MARCHF1: variants seen among roughly 807,000 people sequenced by gnomAD.
MARCHF1 encodes E3 ubiquitin-protein ligase MARCHF1.
Under a neutral mutation model 54.2 loss-of-function variants are expected in MARCHF1, and 40 were observed. The observed-to-expected ratio is 0.74, with a 90% CI of 0.57 to 0.96. MARCHF1 has a LOEUF of 0.96. Ranked by LOEUF, MARCHF1 falls within the 40% of genes least tolerant of loss-of-function variation. The pLI is 0.00. For missense variants in MARCHF1, 586 were observed against 656.5 expected, an observed-to-expected ratio of 0.89 and a Z score of 1.17; for synonymous variants, 236 against 236.3, an observed-to-expected ratio of 1.00 and a Z score of 0.01.
chr4:163,707,865 C>CCACT (rs1286973671), intron 4 of MARCHF1, among the ~76,000 whole-genome samples: 2 of 151,320 alleles, frequency 1.3e-5, no homozygotes, highest in African/African-American at 4.9e-5. Flanking sequence ...AGCTTTAAAC[C>CCACT]CACTCTTCTA....
intron 1 of MARCHF1, among the ~76,000 whole-genome samples, chr4:164,151,844 T>C (rs1368763267): frequency 6.6e-6 from 1 of 152,164 alleles, no homozygotes; most frequent in Non-Finnish European, 1.5e-5. Flanking sequence ...CACCTTAAGC[T>C]TCTACTTCAT....
intron 4 of MARCHF1, among the ~76,000 whole-genome samples, chr4:163,809,975 A>G (rs74683702): frequency 9.8e-4 from 149 of 152,186 alleles, no homozygotes; most frequent in African/African-American, 3.3e-3. Flanking sequence ...TTGGTACTGT[A>G]TCCTGTAAAT....
In MARCHF1 at chr4:164,249,569, A is replaced by G. The variant is rs147682982; in HGVS notation, c.-323+134301T>C. 9.5e-4 allele frequency among the ~76,000 whole-genome samples: 144 copies of G among 152,156 alleles called. 1 individual carries two copies. In the East Asian group the frequency reaches 0.026, roughly 27 times the overall value. ...TTGTAAATTGAATTTTATTTTGTAG[A>G]TATCAGGGAATCCCTTGAAAATTTA... On this transcript the variant is annotated intron_variant, in intron 1 of 9. Coordinates refer to ENST00000514618, the MANE Select transcript of MARCHF1 (RefSeq NM_001394959.1).
At chr4:163,775,926 T>C (rs748835948) in intron 4 of MARCHF1, among the ~76,000 whole-genome samples, 5 of 152,158 alleles carry the variant, frequency 3.3e-5, no homozygotes, top group Admixed American at 1.3e-4. Flanking sequence ...GAAGATGCAG[T>C]GACCCAGTGA....
intron 1 of MARCHF1, among the ~76,000 whole-genome samples, chr4:164,257,892 C>T (rs937973144): frequency 6.6e-6 from 1 of 152,084 alleles, no homozygotes; most frequent in African/African-American, 2.4e-5. Context: ...TTGCTTGAAC[C>T]CATTACTGGG....
Position 163,784,640 on chromosome 4 carries a change from T to C in MARCHF1, c.111+69381A>G, listed in dbSNP as rs536344696. Among the ~76,000 whole-genome samples the C allele has an allele frequency of 2.6e-4, 40 of 152,220 alleles. 2 individuals are homozygous for C. In the South Asian group the frequency reaches 8.1e-3, roughly 31 times the overall value. On this transcript the variant is annotated intron_variant, in intron 4 of 9. Coordinates refer to ENST00000514618, the MANE Select transcript of MARCHF1 (RefSeq NM_001394959.1). Reference sequence around the variant, plus strand: ...ACCTATGCCATTGACATATATAATATGATAATTCACTTATTGTTTGCCTCT... The same window carrying C: ...ACCTATGCCATTGACATATATAATACGATAATTCACTTATTGTTTGCCTCT...
chr4:163,649,415 T>C (rs113012834), intron 5 of MARCHF1, among the ~76,000 whole-genome samples: 6 of 152,066 alleles, frequency 3.9e-5, no homozygotes, highest in African/African-American at 9.7e-5. Context: ...AGAAAGGCTA[T>C]TGGGAAAAAT....
At chr4:163,845,260 T>C (rs570099404) in intron 4 of MARCHF1, among the ~76,000 whole-genome samples, 17 of 152,294 alleles carry the variant, frequency 1.1e-4, no homozygotes, top group African/African-American at 3.8e-4. Flanking sequence ...AATATAGTCC[T>C]ATTCTAACAG....
intron 3 of MARCHF1, among the ~76,000 whole-genome samples, chr4:163,946,001 T>TA (rs1454461468): frequency 1.9e-5 from 2 of 103,942 alleles, no homozygotes; most frequent in South Asian, 3.1e-4. Context: ...TTTAGTGCAT[T>TA]TAAAAAAAAA....
At chr4:164,122,292 T>C (rs1316104420) in intron 1 of MARCHF1, among the ~76,000 whole-genome samples, 1 of 152,108 alleles carries the variant, frequency 6.6e-6, no homozygotes, top group Non-Finnish European at 1.5e-5. Flanking sequence ...AGATTTTCCT[T>C]TTAATGAAAA....
chr4:163,731,292 T>C (rs866183833), intron 4 of MARCHF1, among the ~76,000 whole-genome samples: 1 of 152,152 alleles, frequency 6.6e-6, no homozygotes, highest in Non-Finnish European at 1.5e-5. Context: ...GGAAATGACA[T>C]CTATTTTTGA....
chr4:163,816,315 TA>T (rs1748530077), intron 4 of MARCHF1, among the ~76,000 whole-genome samples: 1 of 152,014 alleles, frequency 6.6e-6, no homozygotes, highest in Admixed American at 6.6e-5. Flanking sequence ...ATCATTATCA[TA>T]AATAACATTG....
intron 3 of MARCHF1, among the ~76,000 whole-genome samples, chr4:163,856,484 TGA>T (rs2111176749): frequency 6.6e-6 from 1 of 152,320 alleles, no homozygotes; most frequent in South Asian, 2.1e-4. Context: ...GCGTGTGAAA[TGA>T]GAGAGAGCAA....
chr4:163,526,717 C>T lies in MARCHF1; in HGVS notation c.*2031G>A, dbSNP rs1738118444. 6.6e-6 allele frequency: 1 copy of T among 151,834 alleles called. No homozygotes were observed. Among genetic ancestry groups the T allele is most frequent in the East Asian group, 1.9e-4 (1 of 5,174 alleles). 9.4% of individuals were successfully genotyped at this position (151,834 alleles called of 1,614,324 possible). A position where few individuals can be genotyped will look rare whatever the true frequency, so the allele number is the denominator to read the frequency against. The stretch of plus-strand genomic sequence containing the variant: ...AGAATTTTTGGTTCAGTTTAGTTAC[C>T]TCAACTTTGCTTTCCCTGTGCTTAT... On this transcript the variant is annotated 3_prime_UTR_variant, in exon 10 of 10. Transcript: ENST00000514618.
intron 4 of MARCHF1, among the ~76,000 whole-genome samples, chr4:163,790,481 G>C (rs72685617): frequency 0.038 from 5,851 of 152,122 alleles, 162 homozygotes; most frequent in South Asian, 0.075. Flanking sequence ...TATTTCATTT[G>C]TCTATGCAAA....
At chr4:163,634,894 T>G (rs1228809042) in intron 5 of MARCHF1, among the ~76,000 whole-genome samples, 24 of 132,228 alleles carry the variant, frequency 1.8e-4, no homozygotes, top group African/African-American at 7.2e-4. Context: ...TATAACAAAC[T>G]ATCTCTCAGA....
Position 163,612,269 on chromosome 4 carries a change from A to G in MARCHF1, c.1010+2T>C. 1.3e-6 allele frequency: 2 copies of G among 1,492,044 alleles called. No homozygotes were observed. The highest frequency in any genetic ancestry group is 2.7e-5 in the South Asian group (2 of 74,886). 92.4% of individuals were successfully genotyped at this position (1,492,044 alleles called of 1,614,324 possible). On this transcript the variant is annotated splice_donor_variant, in intron 7 of 9. Transcript: ENST00000514618. LOFTEE classifies it high-confidence loss of function. The stretch of plus-strand genomic sequence containing the variant: ...ATCAAGCCTTTCTCTACAGTGACTG[A>G]CCTGCATACTTCTAAATTATCAGAC...
intron 4 of MARCHF1, among the ~76,000 whole-genome samples, chr4:163,783,702 G>C (rs1274626132): frequency 2.6e-5 from 4 of 152,210 alleles, no homozygotes; most frequent in Non-Finnish European, 5.9e-5. Flanking sequence ...CCTAGTGTTT[G>C]AGGTACAGGA....
At chr4:163,891,526 ACT>A (rs1217649115) in intron 3 of MARCHF1, among the ~76,000 whole-genome samples, 1 of 152,016 alleles carries the variant, frequency 6.6e-6, no homozygotes, top group Non-Finnish European at 1.5e-5. Flanking sequence ...AAATTTATGA[ACT>A]CTCTCAACTC....
Sources: allele counts gnomAD v4.1 joint callset (sites outside exome capture counted in the v4.1 genomes callset), GRCh38; gene constraint gnomAD v4.1.1; transcripts MANE v1.5; gene names NCBI Gene and HGNC (gene_info 2026-07-23, HGNC 2026-07-21).